The following METTL25 variants were observed in gnomAD, a reference collection of about 807,000 sequenced individuals.
METTL25 encodes probable methyltransferase-like protein 25.
In METTL25, 64 loss-of-function variants were observed where a neutral mutation model predicts 71.6. The observed-to-expected ratio is 0.89, with a 90% CI of 0.73 to 1.10. The LOEUF (loss-of-function observed/expected upper bound fraction) is 1.10, where lower values mean the gene tolerates loss of function less well. METTL25 is among the 50% of genes least tolerant of loss of function. The pLI is 0.00. For missense variants in METTL25, 807 were observed against 707.0 expected (o/e 1.14, Z -1.60); for synonymous variants, 287 against 250.3 (o/e 1.15, Z -1.38).
chr12:82,436,150 C>T (rs144333998), intron 7 of METTL25, among the ~76,000 whole-genome samples: 2 of 151,404 alleles, frequency 1.3e-5, no homozygotes, highest in African/African-American at 4.8e-5. Flanking sequence ...CTCATACTTA[C>T]ACTCAATCTT....
chr12:82,450,272 C>G (rs1364884730), intron 8 of METTL25, among the ~76,000 whole-genome samples: 1 of 152,066 alleles, frequency 6.6e-6, no homozygotes, highest in Non-Finnish European at 1.5e-5. Context: ...CCAAATTCAC[C>G]TGTTAATGAC....
chr12:82,370,711 T>C (rs1264359089), intron 1 of METTL25, among the ~76,000 whole-genome samples: 1 of 152,144 alleles, frequency 6.6e-6, no homozygotes, highest in Non-Finnish European at 1.5e-5. Context: ...TCTATCTTTT[T>C]CTCTCTTTGA....
chr12:82,473,983 T>A (rs1198577892), intron 9 of METTL25, among the ~76,000 whole-genome samples: 5 of 152,126 alleles, frequency 3.3e-5, no homozygotes, highest in Non-Finnish European at 7.4e-5. Flanking sequence ...ACTCCTGATG[T>A]TACTCTGGTC....
intron 5 of METTL25, among the ~76,000 whole-genome samples, chr12:82,416,604 T>G (rs980873712): frequency 1.3e-5 from 2 of 151,528 alleles, no homozygotes; most frequent in South Asian, 4.2e-4. Flanking sequence ...CCACACCTGG[T>G]CAATTTTTGC....
chr12:82,456,401 G>A (rs1475398063), intron 8 of METTL25, among the ~76,000 whole-genome samples: 1 of 151,922 alleles, frequency 6.6e-6, no homozygotes, highest in East Asian at 1.9e-4. Flanking sequence ...TATTGAGCCA[G>A]TAAATCTCAA....
At chr12:82,366,729 CAGTG>C (rs767990288) in intron 1 of METTL25, among the ~76,000 whole-genome samples, 43 of 152,318 alleles carry the variant, frequency 2.8e-4, no homozygotes, top group Non-Finnish European at 5.7e-4. Context: ...TGGAAACAGA[CAGTG>C]AGAGCACAAC....
chr12:82,417,145 G>C (rs2137082302), intron 5 of METTL25, among the ~76,000 whole-genome samples: 1 of 152,000 alleles, frequency 6.6e-6, no homozygotes, highest in Non-Finnish European at 1.5e-5. Context: ...GAATAACATG[G>C]AACAGAGACT....
At chr12:82,422,911 G>C (rs146418175) in intron 5 of METTL25, among the ~76,000 whole-genome samples, 2,702 of 152,236 alleles carry the variant, frequency 0.018, 69 homozygotes, top group African/African-American at 0.061. Flanking sequence ...ACAAACAAAT[G>C]GAAGAACATT....
intron 1 of METTL25, among the ~76,000 whole-genome samples, chr12:82,363,581 G>C (rs1486674918): frequency 1.3e-5 from 2 of 152,094 alleles, no homozygotes; most frequent in Non-Finnish European, 2.9e-5. Context: ...CACTCTGAAG[G>C]GGGGATAGTT....
chr12:82,411,972 C>G (rs1009544987), intron 5 of METTL25, among the ~76,000 whole-genome samples: 4 of 151,944 alleles, frequency 2.6e-5, no homozygotes, highest in African/African-American at 9.7e-5. Flanking sequence ...GGTTTATTTC[C>G]TCTTCCAAAC....
chr12:82,458,110 T>C (rs1891620020), intron 9 of METTL25, among the ~76,000 whole-genome samples: 1 of 152,082 alleles, frequency 6.6e-6, no homozygotes, highest in African/African-American at 2.4e-5. Context: ...CAGTTTGTCT[T>C]TAATAATAAC....
Position 82,441,799 on chromosome 12 carries a change from A to T in METTL25, c.1478+3008A>T, listed in dbSNP as rs375563536. On this transcript the variant is annotated intron_variant, in intron 8 of 11. Transcript: ENST00000248306. ...GCCATACTATAGCAAAAAAAAAAAA[A>T]AATAGAAACACACACACACACACAC... Among the ~76,000 whole-genome samples the T allele has an allele frequency of 7.4e-4, 97 of 131,184 alleles. 1 individual carries two copies. The South Asian group carries it at 0.026, about 35-fold the overall frequency. The allele number at this position is 131,184 out of a possible 152,430, so 86.1% of individuals were successfully genotyped here.
intron 9 of METTL25, among the ~76,000 whole-genome samples, chr12:82,467,035 C>T (rs2137289461): frequency 6.6e-6 from 1 of 151,846 alleles, no homozygotes; most frequent in Non-Finnish European, 1.5e-5. Context: ...CCACATCTGG[C>T]CAGAATATCT....
chr12:82,383,268 G>A (rs533607984), intron 1 of METTL25, among the ~76,000 whole-genome samples: 7 of 151,834 alleles, frequency 4.6e-5, no homozygotes, highest in African/African-American at 1.4e-4. Flanking sequence ...TCTGCCTCCT[G>A]GGTTCAAGTG....
intron 5 of METTL25, among the ~76,000 whole-genome samples, chr12:82,405,724 G>A (rs4587790): frequency 0.92 from 140,105 of 152,232 alleles, 64,838 homozygotes; most frequent in East Asian, 1. Flanking sequence ...GCAAGATTGT[G>A]CATCCACATA....
In METTL25 at chr12:82,389,940, T is replaced by C. The variant is rs775791284; in HGVS notation, c.531+18T>C. On this transcript the variant is annotated intron_variant, in intron 3 of 11. Transcript: ENST00000248306. ...TAAAGCAGGTAAGAGTATTTCCGTATGTTTTTAGGTGTTAAAATTATTGCC... is the reference window on the plus strand; with the variant it reads ...TAAAGCAGGTAAGAGTATTTCCGTACGTTTTTAGGTGTTAAAATTATTGCC... 2 of 1,348,714 alleles carry C rather than the reference T, an allele frequency of 1.5e-6. No homozygotes were observed. The highest frequency in any genetic ancestry group is 2.1e-6 in the Non-Finnish European group (2 of 946,486). 83.5% of individuals were successfully genotyped at this position (1,348,714 alleles called of 1,614,324 possible).
chr12:82,463,519 A>C (rs1012460512), intron 9 of METTL25, among the ~76,000 whole-genome samples: 1 of 152,028 alleles, frequency 6.6e-6, no homozygotes, highest in African/African-American at 2.4e-5. Context: ...TATCTTGGCT[A>C]TTATAGATAG....
At chr12:82,388,672 G>A (rs1885282909) in intron 2 of METTL25, 1 of 152,156 alleles carries the variant, frequency 6.6e-6, no homozygotes, top group South Asian at 2.1e-4. Context: ...TTCAAGGTCT[G>A]GATGGACTCT....
chr12:82,478,177 G>C (rs1892988543), intron 11 of METTL25, among the ~76,000 whole-genome samples: 1 of 151,780 alleles, frequency 6.6e-6, no homozygotes. Flanking sequence ...TCCTAAGTTA[G>C]TGGGTGATAA....
Sources: allele counts gnomAD v4.1 joint callset (sites outside exome capture counted in the v4.1 genomes callset), GRCh38; gene constraint gnomAD v4.1.1; transcripts MANE v1.5; gene names NCBI Gene and HGNC (gene_info 2026-07-23, HGNC 2026-07-21).